The following MCCC2 variants were observed in gnomAD, a reference collection of about 807,000 sequenced individuals.
MCCC2 encodes methylcrotonoyl-CoA carboxylase beta chain, mitochondrial.
In MCCC2, 52 loss-of-function variants were observed where a neutral mutation model predicts 77.2. The ratio of observed to expected loss-of-function variants is 0.67; its 90% CI spans 0.54 to 0.85. The LOEUF (loss-of-function observed/expected upper bound fraction) is 0.85, where lower values mean the gene tolerates loss of function less well. Ranked by LOEUF, MCCC2 falls within the 40% of genes least tolerant of loss-of-function variation. The pLI is 0.00. For missense variants in MCCC2, 682 were observed against 703.2 expected, an observed-to-expected ratio of 0.97 and a Z score of 0.34; for synonymous variants, 253 against 248.4, an observed-to-expected ratio of 1.02 and a Z score of -0.18.
intron 3 of MCCC2, among the ~76,000 whole-genome samples, chr5:71,597,116 GGA>G (rs138876138): frequency 6.6e-6 from 1 of 150,688 alleles, no homozygotes; most frequent in African/African-American, 2.4e-5. Flanking sequence ...ATTTAAAGGA[GGA>G]GAGAGAGAGA....
At position 71,658,078 on chromosome 5, in the gene MCCC2, C is replaced by A. The variant is rs1747630806; in HGVS notation, c.*1218C>A. Reference sequence around the variant, plus strand: ...GTCTACCCCCTGGAGTTAGAATGGCCATCCTGAAGTGAAAAGTAATGTCAG... The same window carrying A: ...GTCTACCCCCTGGAGTTAGAATGGCAATCCTGAAGTGAAAAGTAATGTCAG... On this transcript the variant is annotated 3_prime_UTR_variant, in exon 17 of 17. Coordinates refer to ENST00000340941, the MANE Select transcript of MCCC2 (RefSeq NM_022132.5). 6.6e-6 allele frequency: 1 copy of A among 152,186 alleles called. No individual in the cohort carries two copies. Among genetic ancestry groups the A allele is most frequent in the Non-Finnish European group, 1.5e-5 (1 of 68,046 alleles). 9.4% of individuals were successfully genotyped at this position (152,186 alleles called of 1,614,324 possible).
intron 6 of MCCC2, among the ~76,000 whole-genome samples, chr5:71,607,856 G>C (rs1745752914): frequency 1.4e-5 from 2 of 142,746 alleles, no homozygotes; most frequent in African/African-American, 5.2e-5. Flanking sequence ...TCAGGAGCAG[G>C]TTGTTCAGTT....
intron 1 of MCCC2, among the ~76,000 whole-genome samples, chr5:71,591,720 AGCCACCACG>A (rs796356177): frequency 4.6e-5 from 7 of 151,948 alleles, no homozygotes; most frequent in African/African-American, 1.4e-4. Context: ...TACAGGCGTG[AGCCACCACG>A]GCTGGCCGAG....
At chr5:71,613,519 G>C (rs2112370196) in intron 6 of MCCC2, among the ~76,000 whole-genome samples, 1 of 152,170 alleles carries the variant, frequency 6.6e-6, no homozygotes, top group Middle Eastern at 3.4e-3. Context: ...ATTAGGGCTG[G>C]GCGTGGTGGC....
intron 2 of MCCC2, 42 bp from the exon 3 acceptor site, chr5:71,596,238 A>C (rs1458174974): frequency 6.4e-7 from 1 of 1,559,264 alleles, no homozygotes; most frequent in Non-Finnish European, 8.8e-7. Context: ...AGACCTTTTT[A>C]TCGTGTCAAT....
chr5:71,633,109 ATATATATATATATATATATATATT>A lies in MCCC2; in HGVS notation c.803+926_803+949del, dbSNP rs1362683167. 2.2e-3 allele frequency among the ~76,000 whole-genome samples: 54 copies of A among 24,014 alleles called. 3 individuals carry two copies. Among genetic ancestry groups the A allele is most frequent in the African/African-American group, 4.8e-3 (51 of 10,670 alleles). 15.8% of individuals were successfully genotyped at this position (24,014 alleles called of 152,430 possible). On this transcript the variant is annotated intron_variant, in intron 8 of 16. Coordinates refer to ENST00000340941, the MANE Select transcript of MCCC2 (RefSeq NM_022132.5). Reference sequence around the variant, plus strand: ...TTCAGTTTTATATATATATATATATATATATATATATATATATATATATTTTTATTTTTTGTAGAAACAGGTGTC... The same window carrying A: ...TTCAGTTTTATATATATATATATATATTTATTTTTTGTAGAAACAGGTGTC...
At chr5:71,638,768 G>A (rs1364066288) in intron 10 of MCCC2, among the ~76,000 whole-genome samples, 3 of 152,140 alleles carry the variant, frequency 2.0e-5, no homozygotes, top group African/African-American at 7.2e-5. Flanking sequence ...TGATCCACCC[G>A]TCTTGGCCTC....
At chr5:71,589,997 T>C (rs1744912032) in intron 1 of MCCC2, among the ~76,000 whole-genome samples, 1 of 152,180 alleles carries the variant, frequency 6.6e-6, no homozygotes, top group Admixed American at 6.5e-5. Context: ...GGTGGGAAAC[T>C]TGTCAGTGGC....
chr5:71,598,134 G>A (rs933464820), intron 3 of MCCC2, among the ~76,000 whole-genome samples: 5 of 149,316 alleles, frequency 3.3e-5, no homozygotes, highest in East Asian at 2.0e-4. Flanking sequence ...GTGCAGTGGC[G>A]CGATCTCCGT....
intron 6 of MCCC2, among the ~76,000 whole-genome samples, chr5:71,616,200 T>G (rs1337250570): frequency 1.3e-5 from 2 of 152,234 alleles, no homozygotes. Context: ...TCTGTATCCT[T>G]TATGATATCC....
At chr5:71,620,545 TA>T (rs955268130) in intron 6 of MCCC2, among the ~76,000 whole-genome samples, 2 of 152,124 alleles carry the variant, frequency 1.3e-5, no homozygotes, top group African/African-American at 2.4e-5. Flanking sequence ...CAGAATTAGA[TA>T]AAAAATCTCT....
intron 8 of MCCC2, among the ~76,000 whole-genome samples, chr5:71,633,839 A>G (rs969291169): frequency 6.6e-6 from 1 of 152,202 alleles, no homozygotes; most frequent in African/African-American, 2.4e-5. Context: ...TATAACTGGT[A>G]TTATGTATGA....
chr5:71,655,957 G>A (rs1747566453), intron 16 of MCCC2, among the ~76,000 whole-genome samples: 1 of 152,334 alleles, frequency 6.6e-6, no homozygotes, highest in Middle Eastern at 3.4e-3. Flanking sequence ...GCTCACGCCT[G>A]TAATCGCAGC....
At chr5:71,608,412 T>C (rs1407359249) in intron 6 of MCCC2, among the ~76,000 whole-genome samples, 1 of 130,072 alleles carries the variant, frequency 7.7e-6, no homozygotes, top group Non-Finnish European at 1.6e-5. Flanking sequence ...TGCCTTTTTT[T>C]GTTTTCCATT....
chr5:71,648,367 A>C (rs1226224993), intron 13 of MCCC2, among the ~76,000 whole-genome samples: 1 of 152,184 alleles, frequency 6.6e-6, no homozygotes, highest in Non-Finnish European at 1.5e-5. Context: ...GTGAAGTTGC[A>C]GAGCAGCCTC....
intron 4 of MCCC2, among the ~76,000 whole-genome samples, chr5:71,601,079 AAAG>A (rs1745410666): frequency 6.6e-6 from 1 of 152,180 alleles, no homozygotes; most frequent in African/African-American, 2.4e-5. Flanking sequence ...GCAGTTTCTG[AAAG>A]AAGGTTTAGT....
intron 6 of MCCC2, among the ~76,000 whole-genome samples, chr5:71,621,745 G>T (rs1198506717): frequency 1.3e-5 from 2 of 151,798 alleles, no homozygotes; most frequent in Admixed American, 1.3e-4. Flanking sequence ...CAGAGGCTGG[G>T]AATGGGAGTA....
At chr5:71,594,220 C>T (rs1210534217) in intron 2 of MCCC2, among the ~76,000 whole-genome samples, 1 of 152,082 alleles carries the variant, frequency 6.6e-6, no homozygotes, top group Non-Finnish European at 1.5e-5. Context: ...CACTGTCCCC[C>T]TTAGACATTA....
intron 6 of MCCC2, among the ~76,000 whole-genome samples, chr5:71,609,989 T>C (rs1016430350): frequency 2.0e-5 from 3 of 152,206 alleles, no homozygotes; most frequent in Non-Finnish European, 4.4e-5. Flanking sequence ...GACAGGGACA[T>C]TTAAGTCTGC....
Sources: allele counts gnomAD v4.1 joint callset (sites outside exome capture counted in the v4.1 genomes callset), GRCh38; gene constraint gnomAD v4.1.1; transcripts MANE v1.5; gene names NCBI Gene and HGNC (gene_info 2026-07-23, HGNC 2026-07-21).